The following HAPLN1 variants were observed in gnomAD, a reference collection of about 807,000 sequenced individuals.
HAPLN1 encodes the protein Cartilage link protein.
HAPLN1 carries 13 observed loss-of-function variants against 36.5 expected under a neutral mutation model. The observed-to-expected ratio is 0.36, with a 90% CI of 0.23 to 0.57. The LOEUF is 0.57. HAPLN1 is among the 20% of genes least tolerant of loss of function. HAPLN1 has a pLI of 0.83. For synonymous variants in HAPLN1, 202 were observed against 169.8 expected, an observed-to-expected ratio of 1.19 and a Z score of -1.48; for missense variants, 407 against 439.7, an observed-to-expected ratio of 0.93 and a Z score of 0.66.
At chr5:83,691,171 A>G (rs1049336219) in intron 1 of HAPLN1, among the ~76,000 whole-genome samples, 4 of 152,082 alleles carry the variant, frequency 2.6e-5, no homozygotes, top group African/African-American at 9.6e-5. Context: ...GAAGGAACCT[A>G]CCTAGAGCCT....
intron 2 of HAPLN1, among the ~76,000 whole-genome samples, chr5:83,663,799 C>CTTT (rs71605866): frequency 4.1e-4 from 50 of 121,886 alleles, no homozygotes; most frequent in Admixed American, 7.7e-4. Flanking sequence ...TCTTCCTTCA[C>CTTT]TTTTTTTTTT....
chr5:83,669,926 G>T (rs1189694782), intron 2 of HAPLN1, among the ~76,000 whole-genome samples: 3 of 152,158 alleles, frequency 2.0e-5, no homozygotes, highest in Non-Finnish European at 4.4e-5. Flanking sequence ...GCTAGTTAGT[G>T]GCATTACAGG....
chr5:83,644,515 C>T lies in HAPLN1; in HGVS notation c.623G>A (p.Gly208Asp). ...TTGCACAGAGCCATCACTGAGCCAG[C>T]CGGCATTGCACCAGTCCAGCCCGCC... ...WRGGLDWCNA[G>D]WLSDGSVQYP... is the part of the protein sequence containing the mutation. The change falls in exon 4 of 5, where the codon GGC (glycine) becomes GAC (aspartate). Residue 208 changes from glycine to aspartate, a missense_variant. Physicochemically the swap from Gly to Asp is moderately conservative, Grantham distance 94 (BLOSUM62 -1). Coordinates refer to ENST00000274341, the MANE Select transcript of HAPLN1 (RefSeq NM_001884.4). The T allele has an allele frequency of 6.2e-7, 1 of 1,611,544 alleles. No individual in the cohort carries two copies. The highest frequency in any genetic ancestry group is 8.5e-7 in the Non-Finnish European group (1 of 1,178,874).
chr5:83,671,738 A>T (rs544084980), intron 2 of HAPLN1, among the ~76,000 whole-genome samples: 3 of 152,366 alleles, frequency 2.0e-5, no homozygotes, highest in African/African-American at 7.2e-5. Flanking sequence ...ATCACATTTC[A>T]GCATTAAATT....
In HAPLN1 at chr5:83,638,866, G is replaced by A. The variant is rs932803244; in HGVS notation, c.*2630C>T. On this transcript the variant is annotated 3_prime_UTR_variant, in exon 5 of 5. Transcript: ENST00000274341. ...TTATTTGAATTGCTTCTTTTTGTTT[G>A]GGTTTTCCAATGTAGATGTCTCAGT... 1 of 151,864 alleles carries A rather than the reference G, an allele frequency of 6.6e-6. No homozygotes were observed. Among genetic ancestry groups the A allele is most frequent in the Non-Finnish European group, 1.5e-5 (1 of 67,880 alleles). The allele number at this position is 151,864 out of a possible 1,614,324, so 9.4% of individuals were successfully genotyped here. A position where few individuals can be genotyped will look rare whatever the true frequency, so the allele number is the denominator to read the frequency against.
chr5:83,704,028 G>A (rs1008996071), intron 1 of HAPLN1, among the ~76,000 whole-genome samples: 1 of 151,018 alleles, frequency 6.6e-6, no homozygotes, highest in Non-Finnish European at 1.5e-5. Context: ...GAAAAGGGAA[G>A]CCCATCAAAC....
chr5:83,708,938 G>A (rs563611706), intron 1 of HAPLN1, among the ~76,000 whole-genome samples: 3 of 152,096 alleles, frequency 2.0e-5, no homozygotes, highest in South Asian at 2.1e-4. Flanking sequence ...GTGCAGCGGC[G>A]TGATCTCAGC....
At chr5:83,661,572 G>A (rs1454372075) in intron 2 of HAPLN1, among the ~76,000 whole-genome samples, 2 of 151,338 alleles carry the variant, frequency 1.3e-5, no homozygotes, top group African/African-American at 4.9e-5. Context: ...AGCCTCCCAA[G>A]TAGCTGGGAC....
intron 4 of HAPLN1, among the ~76,000 whole-genome samples, chr5:83,644,133 G>C (rs1397264389): frequency 6.6e-6 from 1 of 152,154 alleles, no homozygotes; most frequent in Non-Finnish European, 1.5e-5. Context: ...TATAAAAATG[G>C]GATGAAATAA....
chr5:83,690,388 G>T (rs907774110), intron 1 of HAPLN1, among the ~76,000 whole-genome samples: 10 of 152,074 alleles, frequency 6.6e-5, no homozygotes, highest in Admixed American at 6.6e-4. Flanking sequence ...GTATTTCTGA[G>T]ATTGTTGAAA....
intron 2 of HAPLN1, among the ~76,000 whole-genome samples, chr5:83,665,166 A>C (rs1191191266): frequency 2.0e-5 from 3 of 152,176 alleles, no homozygotes. Flanking sequence ...TTCTGTGCTG[A>C]AGAAACCAAA....
intron 1 of HAPLN1, among the ~76,000 whole-genome samples, chr5:83,676,177 CAG>C (rs1394110165): frequency 1.0e-5 from 1 of 98,964 alleles, no homozygotes; most frequent in Non-Finnish European, 2.2e-5. Context: ...CACACATACA[CAG>C]AGATACGCAC....
Position 83,645,475 on chromosome 5 carries a change from C to CTTTTTTTTTTTTTTTTTTTTTTTTT in HAPLN1, c.473-811_473-810insAAAAAAAAAAAAAAAAAAAAAAAAA. 8.6e-4 allele frequency among the ~76,000 whole-genome samples: 64 copies of CTTTTTTTTTTTTTTTTTTTTTTTTT among 74,348 alleles called. 8 individuals are homozygous for CTTTTTTTTTTTTTTTTTTTTTTTTT. Among genetic ancestry groups the CTTTTTTTTTTTTTTTTTTTTTTTTT allele is most frequent in the African/African-American group, 1.8e-3 (29 of 16,074 alleles). The allele number at this position is 74,348 out of a possible 152,430, so 48.8% of individuals were successfully genotyped here. A position where few individuals can be genotyped will look rare whatever the true frequency, so the allele number is the denominator to read the frequency against. On this transcript the variant is annotated intron_variant, in intron 3 of 4. Transcript: ENST00000274341. ...GTGATTTTCTTTTTTCTTTTTCTTT[C>CTTTTTTTTTTTTTTTTTTTTTTTTT]TTTTTTTTTTTTTTTTAGCTCATCA...
chr5:83,686,233 A>G (rs1040814800), intron 1 of HAPLN1, among the ~76,000 whole-genome samples: 2 of 151,778 alleles, frequency 1.3e-5, no homozygotes, highest in African/African-American at 4.8e-5. Context: ...AAATTTGCCT[A>G]AGAATTGTGC....
At chr5:83,699,633 A>G (rs2112627833) in intron 1 of HAPLN1, among the ~76,000 whole-genome samples, 1 of 152,340 alleles carries the variant, frequency 6.6e-6, no homozygotes, top group African/African-American at 2.4e-5. Context: ...CCACCCATTC[A>G]GATCTAATTT....
At chr5:83,702,707 C>A (rs1751538790) in intron 1 of HAPLN1, among the ~76,000 whole-genome samples, 1 of 151,500 alleles carries the variant, frequency 6.6e-6, no homozygotes, top group South Asian at 2.1e-4. Flanking sequence ...TTTCTGGAAG[C>A]TTTCAATATG....
At chr5:83,712,698 G>A (rs1483627349) in intron 1 of HAPLN1, among the ~76,000 whole-genome samples, 1 of 151,962 alleles carries the variant, frequency 6.6e-6, no homozygotes, top group African/African-American at 2.4e-5. Context: ...AGGGGATAGG[G>A]TTGTCAGGTT....
chr5:83,670,725 C>T (rs1348165496), intron 2 of HAPLN1, among the ~76,000 whole-genome samples: 1 of 151,668 alleles, frequency 6.6e-6, no homozygotes, highest in East Asian at 1.9e-4. Flanking sequence ...GATGGAGTCT[C>T]GCTCTGTTGC....
chr5:83,657,189 G>T (rs866750235), intron 2 of HAPLN1, among the ~76,000 whole-genome samples: 1 of 151,696 alleles, frequency 6.6e-6, no homozygotes, highest in Non-Finnish European at 1.5e-5. Context: ...ACTGCCTCCC[G>T]GGTTCAAGCC....
Sources: gnomAD v4.1 joint callset for allele counts (sites outside exome capture counted in the v4.1 genomes callset) on GRCh38, gnomAD v4.1.1 for gene constraint, MANE v1.5 for transcripts, NCBI Gene and HGNC (gene_info 2026-07-23, HGNC 2026-07-21) for gene names.